The following MCMBP variants were observed in gnomAD, a reference collection of about 807,000 sequenced individuals.
MCMBP encodes minichromosome maintenance complex binding protein.
Under a neutral mutation model 81.3 loss-of-function variants are expected in MCMBP, and 31 were observed. That is an observed-to-expected ratio of 0.38 (90% CI 0.29 to 0.51). The LOEUF (loss-of-function observed/expected upper bound fraction) is 0.51, where lower values mean the gene tolerates loss of function less well. Ranked by LOEUF, MCMBP falls within the 20% of genes least tolerant of loss-of-function variation. The pLI, the probability that MCMBP is intolerant of heterozygous loss-of-function variation, is 0.87. For missense variants in MCMBP, 645 were observed against 772.1 expected (o/e 0.84, Z 1.95); for synonymous variants, 267 against 275.9 (o/e 0.97, Z 0.32).
chr10:119,868,423 C>A (rs61869126), intron 1 of MCMBP, among the ~76,000 whole-genome samples: 8,408 of 152,198 alleles, frequency 0.055, 425 homozygotes, highest in South Asian at 0.27. Flanking sequence ...AAGACACTGA[C>A]TCCAGAAAAA....
intron 5 of MCMBP, among the ~76,000 whole-genome samples, chr10:119,855,464 G>A (rs1286691621): frequency 6.6e-6 from 1 of 152,190 alleles, no homozygotes; most frequent in Non-Finnish European, 1.5e-5. Flanking sequence ...GAGGTCAGGA[G>A]TTCAAGACCA....
At chr10:119,846,832 G>C (rs1648706068) in intron 8 of MCMBP, among the ~76,000 whole-genome samples, 1 of 151,790 alleles carries the variant, frequency 6.6e-6, no homozygotes, top group Admixed American at 6.6e-5. Context: ...GCCCTCACTA[G>C]AAACCAGATC....
chr10:119,850,801 T>C (rs1481868140), intron 6 of MCMBP, among the ~76,000 whole-genome samples: 3 of 149,840 alleles, frequency 2.0e-5, no homozygotes, highest in African/African-American at 7.3e-5. Context: ...CACTTCCTGG[T>C]TATGACATTC....
chr10:119,858,898 C>T lies in MCMBP; in HGVS notation c.313G>A (p.Val105Ile). The T allele has an allele frequency of 6.2e-7, 1 of 1,610,428 alleles. No homozygotes were observed. Among genetic ancestry groups the T allele is most frequent in the South Asian group, 1.1e-5 (1 of 90,746 alleles). ...AAGATACATACCCCACACTCTGCTA[C>T]ATCTCTATATTTTCCAAAATGAAGA... is the stretch of plus-strand genomic sequence containing the variant. ...HVLHFGKYRDVAECGPQQELD... is the reference protein window; with the variant it reads ...HVLHFGKYRDIAECGPQQELD... Residue 105 changes from valine to isoleucine, a missense_variant, in exon 4 of 16, where the codon GTA (valine) becomes ATA (isoleucine). Val to Ile is a conservative substitution (Grantham distance 29). Transcript: ENST00000369077.
chr10:119,840,978 C>A lies in MCMBP; in HGVS notation c.1125-18G>T, dbSNP rs1360949315. On this transcript the variant is annotated intron_variant, in intron 10 of 15. Transcript: ENST00000369077. ...TTGTATATCTAGAAAAGAAAGAAAT[C>A]AATCAATAAGATGCTGAAGTGACTT... 1.4e-6 allele frequency: 2 copies of A among 1,421,212 alleles called. No individual in the cohort carries two copies. Among genetic ancestry groups the A allele is most frequent in the South Asian group, 2.4e-5 (2 of 82,834 alleles). The allele number at this position is 1,421,212 out of a possible 1,614,324, so 88.0% of individuals were successfully genotyped here.
chr10:119,831,379 A>G lies in MCMBP; in HGVS notation c.*95T>C. 6.8e-7 allele frequency: 1 copy of G among 1,463,174 alleles called. No homozygotes were observed. Among genetic ancestry groups the G allele is most frequent in the Non-Finnish European group, 9.3e-7 (1 of 1,070,610 alleles). 90.6% of individuals were successfully genotyped at this position (1,463,174 alleles called of 1,614,324 possible). A position where few individuals can be genotyped will look rare whatever the true frequency, so the allele number is the denominator to read the frequency against. On this transcript the variant is annotated 3_prime_UTR_variant, in exon 16 of 16. Transcript: ENST00000369077. ...AGGAAATGTCACTGGTTTGTGATAG[A>G]AATTACCTATAAAACAATGTGGTAT...
At chr10:119,870,809 C>T (rs1369663774) in intron 1 of MCMBP, among the ~76,000 whole-genome samples, 1 of 152,192 alleles carries the variant, frequency 6.6e-6, no homozygotes, top group Non-Finnish European at 1.5e-5. Flanking sequence ...TATGACTTTT[C>T]TATAAGACAC....
At chr10:119,866,402 GATCA>G (rs1853455460) in intron 1 of MCMBP, among the ~76,000 whole-genome samples, 1 of 152,186 alleles carries the variant, frequency 6.6e-6, no homozygotes, top group Admixed American at 6.5e-5. Context: ...GAGGCGTGTG[GATCA>G]CCTGAGATCA....
At chr10:119,843,765 G>T (rs984976422) in intron 8 of MCMBP, among the ~76,000 whole-genome samples, 1 of 151,974 alleles carries the variant, frequency 6.6e-6, no homozygotes, top group African/African-American at 2.4e-5. Context: ...GGGTTCAAGC[G>T]ATTCTCATGC....
rs372481898 is a variant in MCMBP at position 119,863,583 on chromosome 10, G to C, written c.59-3699C>G. Among the ~76,000 whole-genome samples, 40 of 151,940 alleles carry C rather than the reference G, an allele frequency of 2.6e-4. No homozygotes were observed. The East Asian group carries it at 5.4e-3, about 21-fold the overall frequency. On this transcript the variant is annotated intron_variant, in intron 1 of 15. Coordinates refer to ENST00000369077, the MANE Select transcript of MCMBP (RefSeq NM_001256378.2). ...GTCTCTACTAAAAATACAAAAATTA[G>C]CCGGGCGTGGTGGCACACGCCTGTA... is the stretch of plus-strand genomic sequence containing the variant.
intron 10 of MCMBP, among the ~76,000 whole-genome samples, chr10:119,841,973 C>T (rs899498305): frequency 6.6e-6 from 1 of 152,172 alleles, no homozygotes; most frequent in South Asian, 2.1e-4. Context: ...TGTTAGGAAC[C>T]GGGCCACAAC....
intron 1 of MCMBP, among the ~76,000 whole-genome samples, chr10:119,869,718 C>T (rs747627259): frequency 1.3e-5 from 2 of 151,864 alleles, no homozygotes; most frequent in South Asian, 2.1e-4. Context: ...GTGACAAGAA[C>T]GAAACTCCAT....
chr10:119,842,390 C>T (rs1852463165), intron 10 of MCMBP, 82 bp downstream of exon 10: 2 of 1,488,630 alleles, frequency 1.3e-6, no homozygotes, highest in Non-Finnish European at 1.8e-6. Flanking sequence ...GGAAAACACA[C>T]AAATGACACC....
chr10:119,837,621 A>T (rs1206859403), intron 12 of MCMBP, among the ~76,000 whole-genome samples: 3 of 152,108 alleles, frequency 2.0e-5, no homozygotes, highest in Non-Finnish European at 4.4e-5. Context: ...TTACAACGGG[A>T]GGTTAAAACA....
chr10:119,859,724 G>T, intron 2 of MCMBP, 75 bp downstream of exon 2: 2 of 852,582 alleles, frequency 2.3e-6, no homozygotes, highest in Non-Finnish European at 3.7e-6. Context: ...TTACATGTGG[G>T]TTACTTAGTT....
In MCMBP at chr10:119,830,155, C is replaced by T. The variant is rs895432887; in HGVS notation, c.*1319G>A. ...CTTCAGTTATTAGGTACAATGAATT[C>T]CTTGATTTTTCAAGGCTGACCCTGT... On this transcript the variant is annotated 3_prime_UTR_variant, in exon 16 of 16. Transcript: ENST00000369077. 2.0e-5 allele frequency: 3 copies of T among 152,544 alleles called. No homozygotes were observed. Among genetic ancestry groups the T allele is most frequent in the South Asian group, 4.1e-4 (2 of 4,832 alleles). 9.4% of individuals were successfully genotyped at this position (152,544 alleles called of 1,614,324 possible).
chr10:119,838,585 G>A lies in MCMBP; in HGVS notation c.1358C>T (p.Ser453Phe), dbSNP rs754136298. Residue 453 changes from serine (S) to phenylalanine (F), a missense_variant, in exon 12 of 16, where the codon TCC becomes TTC. Ser to Phe is a radical substitution (Grantham distance 155, BLOSUM62 -2). Coordinates refer to ENST00000369077, the MANE Select transcript of MCMBP (RefSeq NM_001256378.2). ...SGLLQLPSNT[S>F]LVIDETLLEQ... is the part of the protein sequence containing the mutation. ...CAGGAGAGTCTCATCGATTACAAGG[G>A]AAGTATTGCTGGGCAGCTGGAGGAG... 10 of 1,614,002 alleles carry A rather than the reference G, an allele frequency of 6.2e-6. No individual in the cohort carries two copies. The highest frequency in any genetic ancestry group is 1.1e-5 in the South Asian group (1 of 91,080).
rs768912740 is a variant in MCMBP at position 119,832,109 on chromosome 10, A to C, written c.1708-9T>G. 5.0e-6 allele frequency: 8 copies of C among 1,609,776 alleles called. No individual in the cohort carries two copies. The highest frequency in any genetic ancestry group is 5.9e-6 in the Non-Finnish European group (7 of 1,178,282). On this transcript the variant is annotated splice_polypyrimidine_tract_variant and intron_variant, in intron 14 of 15. Coordinates refer to ENST00000369077, the MANE Select transcript of MCMBP (RefSeq NM_001256378.2). Reference sequence around the variant, plus strand: ...AAGTCATCTTCAACTGCCTTTATCAAAAGAGTAAATGTAAATGATGTGCAT... The same window carrying C: ...AAGTCATCTTCAACTGCCTTTATCACAAGAGTAAATGTAAATGATGTGCAT...
chr10:119,839,397 G>A (rs1298873079), intron 11 of MCMBP, among the ~76,000 whole-genome samples: 2 of 152,174 alleles, frequency 1.3e-5, no homozygotes, highest in South Asian at 2.1e-4. Flanking sequence ...AGAGGGTATG[G>A]TGGGGGAAGG....
Sources: gnomAD v4.1 joint callset for allele counts (sites outside exome capture counted in the v4.1 genomes callset) on GRCh38, gnomAD v4.1.1 for gene constraint, MANE v1.5 for transcripts, NCBI Gene and HGNC (gene_info 2026-07-23, HGNC 2026-07-21) for gene names.